The following SPAG9 variants were observed in gnomAD, a reference collection of about 807,000 sequenced individuals.
SPAG9 encodes sperm associated antigen 9.
Under a neutral mutation model 166.5 loss-of-function variants are expected in SPAG9, and 35 were observed. That is an observed-to-expected ratio of 0.21 (90% CI 0.16 to 0.28). SPAG9 has a LOEUF of 0.28. Among genes scored for constraint, SPAG9 ranks in the 10% least tolerant of loss-of-function variants. The probability of loss-of-function intolerance (pLI) is 1.00; values close to 1 mark genes in which losing one functional copy is unlikely to be tolerated. For missense variants in SPAG9, 1,235 were observed against 1,603.3 expected (o/e 0.77, Z 3.92); for synonymous variants, 534 against 565.5 (o/e 0.94, Z 0.79).
chr17:51,111,822 T>TTGAACTCC (rs1222262815), intron 1 of SPAG9, among the ~76,000 whole-genome samples: 6 of 152,100 alleles, frequency 3.9e-5, no homozygotes, highest in African/African-American at 1.4e-4. Flanking sequence ...AGGGCTGGTC[T>TTGAACTCC]TGAACTCCTG....
Position 51,036,984 on chromosome 17 carries a change from C to T in SPAG9, c.741+4517G>A, listed in dbSNP as rs530953094. Among the ~76,000 whole-genome samples the T allele has an allele frequency of 3.3e-5, 5 of 152,314 alleles. No homozygotes were observed. In the South Asian group the frequency reaches 1.0e-3, roughly 32 times the overall value. On this transcript the variant is annotated intron_variant, in intron 5 of 29. Transcript: ENST00000262013. Reference sequence around the variant, plus strand: ...GTTCTTCAGGACTGTCTTGGTTATACTTGGCCTTTTGTTTTCCAATTCCTT... The same window carrying T: ...GTTCTTCAGGACTGTCTTGGTTATATTTGGCCTTTTGTTTTCCAATTCCTT...
rs2044690633 is a variant in SPAG9 at position 50,996,560 on chromosome 17, A to G, written c.1968+5T>C. 5 of 1,613,974 alleles carry G rather than the reference A, an allele frequency of 3.1e-6. No individual in the cohort carries two copies. The highest frequency in any genetic ancestry group is 4.2e-6 in the Non-Finnish European group (5 of 1,179,996). ...CTGGATGCTCTTACCACATGTGCAT[A>G]TTACCTGTTTGTACTTCTGAGGCAG... On this transcript the variant is annotated splice_donor_5th_base_variant and intron_variant, in intron 16 of 29. Coordinates refer to ENST00000262013, the MANE Select transcript of SPAG9 (RefSeq NM_001130528.3).
chr17:51,054,699 G>C (rs2047311427), intron 3 of SPAG9, among the ~76,000 whole-genome samples: 1 of 152,066 alleles, frequency 6.6e-6, no homozygotes, highest in Non-Finnish European at 1.5e-5. Context: ...GCCTCCCAAA[G>C]TGCTGGGATT....
intron 1 of SPAG9, among the ~76,000 whole-genome samples, chr17:51,084,528 C>T (rs1393803703): frequency 6.6e-6 from 1 of 152,144 alleles, no homozygotes; most frequent in African/African-American, 2.4e-5. Flanking sequence ...CTGCCTCAGC[C>T]TCTGCGTAGC....
At chr17:51,109,470 C>T (rs1301527686) in intron 1 of SPAG9, among the ~76,000 whole-genome samples, 5 of 152,052 alleles carry the variant, frequency 3.3e-5, no homozygotes, top group South Asian at 2.1e-4. Flanking sequence ...CTCTTGACCT[C>T]GTGATCTGCC....
intron 28 of SPAG9, among the ~76,000 whole-genome samples, chr17:50,971,471 T>C (rs1973804333): frequency 7.3e-6 from 1 of 136,416 alleles, no homozygotes; most frequent in African/African-American, 2.8e-5. Flanking sequence ...TTTTTTTTTT[T>C]TTTTTTTTTT....
chr17:51,055,881 CTG>C (rs1338790870), intron 3 of SPAG9, among the ~76,000 whole-genome samples: 1 of 152,122 alleles, frequency 6.6e-6, no homozygotes, highest in Non-Finnish European at 1.5e-5. Context: ...TTTGAGGAGA[CTG>C]TGCTGAAACT....
chr17:51,060,305 C>T lies in SPAG9; in HGVS notation c.425-3823G>A, dbSNP rs548978255. On this transcript the variant is annotated intron_variant, in intron 2 of 29. Coordinates refer to ENST00000262013, the MANE Select transcript of SPAG9 (RefSeq NM_001130528.3). ...GGATTACCTGGGCAAGAGTTCGAGA[C>T]CAGCCTGGCCAACATGGTGAAACCC... Among the ~76,000 whole-genome samples, 5 of 151,776 alleles carry T rather than the reference C, an allele frequency of 3.3e-5. No homozygotes were observed. The South Asian group carries it at 1.0e-3, about 32-fold the overall frequency.
chr17:51,119,047 A>AAAC (rs1354322901), intron 1 of SPAG9, among the ~76,000 whole-genome samples: 2 of 151,942 alleles, frequency 1.3e-5, no homozygotes, highest in Non-Finnish European at 2.9e-5. Flanking sequence ...AAAAAAAAAA[A>AAAC]AAAAAGGCAA....
chr17:50,998,812 A>G (rs1314454504), intron 14 of SPAG9, among the ~76,000 whole-genome samples, 195 bp from the exon 15 acceptor site: 1 of 152,246 alleles, frequency 6.6e-6, no homozygotes, highest in African/African-American at 2.4e-5. Context: ...CATTCAGTGA[A>G]GAGAAACTAT....
chr17:51,109,875 C>T (rs531110140), intron 1 of SPAG9, among the ~76,000 whole-genome samples: 39 of 152,048 alleles, frequency 2.6e-4, no homozygotes, highest in Middle Eastern at 3.4e-3. Context: ...CCACACCACG[C>T]TAATTTTTAT....
rs745478711 is a variant in SPAG9, at chr17:50,989,706, T to C, written c.2784A>G (p.Pro928=). Residue 928 remains proline (P), a synonymous_variant, in exon 21 of 30, where the codon CCA becomes CCG. Coordinates refer to ENST00000262013, the MANE Select transcript of SPAG9 (RefSeq NM_001130528.3). ...ACTGATACACTGGGGAGAGGTCTTCTGGGATCTGAACTCCCAAAGGATCTG... is the reference window on the plus strand; with the variant it reads ...ACTGATACACTGGGGAGAGGTCTTCCGGGATCTGAACTCCCAAAGGATCTG... ...VFTDPLGVQI[P]EDLSPVYQSS... is the part of the protein sequence containing the mutation. 3 of 1,614,200 alleles carry C rather than the reference T, an allele frequency of 1.9e-6. No individual in the cohort carries two copies. The highest frequency in any genetic ancestry group is 2.5e-6 in the Non-Finnish European group (3 of 1,180,028).
chr17:50,985,114 G>C lies in SPAG9; in HGVS notation c.3021-124C>G, dbSNP rs1451771815. ...GTGATGAGTTAAGGAGCTGACACCT[G>C]AATATAAATGAACACACCACTTTCT... On this transcript the variant is annotated intron_variant, in intron 23 of 29. Coordinates refer to ENST00000262013, the MANE Select transcript of SPAG9 (RefSeq NM_001130528.3). 3 of 718,020 alleles carry C rather than the reference G, an allele frequency of 4.2e-6. No individual in the cohort carries two copies. The African/African-American group carries it at 5.3e-5, about 13-fold the overall frequency. 44.5% of individuals were successfully genotyped at this position (718,020 alleles called of 1,614,324 possible). A position where few individuals can be genotyped will look rare whatever the true frequency, so the allele number is the denominator to read the frequency against.
intron 1 of SPAG9, among the ~76,000 whole-genome samples, chr17:51,092,652 G>C (rs1439342378): frequency 6.6e-6 from 1 of 150,908 alleles, no homozygotes; most frequent in Non-Finnish European, 1.5e-5. Context: ...AGTGGCTCAC[G>C]CCTGTAATCT....
At chr17:51,108,563 CA>C (rs1225892871) in intron 1 of SPAG9, among the ~76,000 whole-genome samples, 1 of 152,086 alleles carries the variant, frequency 6.6e-6, no homozygotes, top group Non-Finnish European at 1.5e-5. Flanking sequence ...GTGGCACAAT[CA>C]GGGGTCATTG....
chr17:50,997,885 T>C (rs748171172), intron 15 of SPAG9, among the ~76,000 whole-genome samples: 3 of 152,106 alleles, frequency 2.0e-5, no homozygotes, highest in Non-Finnish European at 4.4e-5. Flanking sequence ...TTAATAGGTA[T>C]TTATCAATGT....
intron 19 of SPAG9, among the ~76,000 whole-genome samples, chr17:50,991,238 G>A (rs1390661298): frequency 3.3e-5 from 5 of 152,074 alleles, no homozygotes; most frequent in African/African-American, 9.6e-5. Context: ...GCAGCCACAG[G>A]TTAAAAACAA....
chr17:51,112,171 G>C (rs901276253), intron 1 of SPAG9, among the ~76,000 whole-genome samples: 3 of 152,070 alleles, frequency 2.0e-5, no homozygotes, highest in African/African-American at 7.2e-5. Flanking sequence ...TTCAGAAAGT[G>C]TCTGAATGAC....
At chr17:51,066,428 A>G (rs2047667113) in intron 2 of SPAG9, among the ~76,000 whole-genome samples, 1 of 151,766 alleles carries the variant, frequency 6.6e-6, no homozygotes, top group South Asian at 2.1e-4. Flanking sequence ...TGTTTTAAAA[A>G]TAGTTTACTT....
Sources: gnomAD v4.1 joint callset for allele counts (sites outside exome capture counted in the v4.1 genomes callset) on GRCh38, gnomAD v4.1.1 for gene constraint, MANE v1.5 for transcripts, NCBI Gene and HGNC (gene_info 2026-07-23, HGNC 2026-07-21) for gene names.